The following ZNF664 variants were observed in gnomAD, a reference collection of about 807,000 sequenced individuals.
ZNF664 encodes the protein zinc finger protein 664, also known as zinc finger Organ of Corti 1.
In ZNF664, 10 loss-of-function variants were observed where a neutral mutation model predicts 18.2. The observed-to-expected ratio is 0.55, with a 90% CI of 0.34 to 0.93. ZNF664 has a LOEUF of 0.93. ZNF664 is among the 40% of genes least tolerant of loss of function. The pLI, the probability that ZNF664 is intolerant of heterozygous loss-of-function variation, is 0.02. For missense variants in ZNF664, 193 were observed against 319.0 expected (o/e 0.61, Z 3.01); for synonymous variants, 119 against 104.2 (o/e 1.14, Z -0.86).
chr12:124,010,798 G>A (rs1957127124), intron 3 of ZNF664, among the ~76,000 whole-genome samples: 2 of 152,182 alleles, frequency 1.3e-5, no homozygotes, highest in African/African-American at 4.8e-5. Context: ...TGAAAACAGA[G>A]TCTAGCCGGG....
In ZNF664 at chr12:123,993,889, A is replaced by G. The variant is rs143582487; in HGVS notation, c.-661+5751A>G. On this transcript the variant is annotated intron_variant, in intron 3 of 4. Transcript: ENST00000337815. ...AAGCTGGAGGGCACATACTTTCTCC[A>G]CATGAGTGGGGCACCCATGATGTCA... 4.2e-3 allele frequency among the ~76,000 whole-genome samples: 638 copies of G among 152,312 alleles called. 5 individuals carry two copies. Among genetic ancestry groups the G allele is most frequent in the African/African-American group, 0.015 (609 of 41,558 alleles).
intron 2 of ZNF664, among the ~76,000 whole-genome samples, chr12:123,980,514 G>A (rs1956751696): frequency 6.6e-6 from 1 of 152,142 alleles, no homozygotes. Context: ...TATGTATATT[G>A]TAGAATTATA....
rs530791307 is a variant in ZNF664 at position 124,013,731 on chromosome 12, G to A, written c.*801G>A. On this transcript the variant is annotated 3_prime_UTR_variant, in exon 5 of 5. Transcript: ENST00000337815. The stretch of plus-strand genomic sequence containing the variant: ...GGAGGAAGAAGCAAGCAAAGTGAGA[G>A]CTTTTCTTCATCCAGAATTGCCCTC... 6 of 167,250 alleles carry A rather than the reference G, an allele frequency of 3.6e-5. No individual in the cohort carries two copies. In the South Asian group the frequency reaches 1.2e-3, roughly 35 times the overall value. The allele number at this position is 167,250 out of a possible 1,614,324, so 10.4% of individuals were successfully genotyped here. A position where few individuals can be genotyped will look rare whatever the true frequency, so the allele number is the denominator to read the frequency against.
chr12:123,983,314 A>G (rs978759729), intron 2 of ZNF664, among the ~76,000 whole-genome samples: 2 of 152,252 alleles, frequency 1.3e-5, no homozygotes, highest in Non-Finnish European at 2.9e-5. Flanking sequence ...TCAAAATGTA[A>G]TTTTAAAAAT....
At chr12:123,978,657 C>T (rs184473463) in intron 2 of ZNF664, among the ~76,000 whole-genome samples, 1 of 152,186 alleles carries the variant, frequency 6.6e-6, no homozygotes, top group African/African-American at 2.4e-5. Flanking sequence ...AGATAAATTG[C>T]TTCTAAAACT....
At chr12:124,004,607 T>G (rs1426316835) in intron 3 of ZNF664, among the ~76,000 whole-genome samples, 1 of 152,182 alleles carries the variant, frequency 6.6e-6, no homozygotes, top group African/African-American at 2.4e-5. Context: ...GGGCCACAGA[T>G]GGGTACCAGT....
At chr12:124,006,943 G>A (rs1488338285) in intron 3 of ZNF664, among the ~76,000 whole-genome samples, 2 of 152,172 alleles carry the variant, frequency 1.3e-5, no homozygotes, top group Non-Finnish European at 2.9e-5. Flanking sequence ...GGAACGTGGT[G>A]TGTTCAGGAT....
At position 124,010,019 on chromosome 12, in the gene ZNF664, G is replaced by A. The variant is rs182638661; in HGVS notation, c.-660-1362G>A. Among the ~76,000 whole-genome samples the A allele has an allele frequency of 7.2e-4, 110 of 152,056 alleles. 1 individual carries two copies. The highest frequency in any genetic ancestry group is 2.3e-3 in the African/African-American group (97 of 41,466). ...GGCTAGTTCCCTATCGATGGCCTTC[G>A]GTTGCTTGCAGTTTTGCTGCCAAAT... On this transcript the variant is annotated intron_variant, in intron 3 of 4. Transcript: ENST00000337815.
chr12:123,997,554 C>A (rs1302238619), intron 3 of ZNF664, among the ~76,000 whole-genome samples: 2 of 152,136 alleles, frequency 1.3e-5, no homozygotes, highest in Non-Finnish European at 2.9e-5. Context: ...TGCAGTCATC[C>A]CCACGTGGCC....
intron 3 of ZNF664, among the ~76,000 whole-genome samples, chr12:123,992,955 G>A (rs1360136103): frequency 6.6e-6 from 1 of 152,144 alleles, no homozygotes; most frequent in Non-Finnish European, 1.5e-5. Flanking sequence ...AACTGAACTC[G>A]GCCCAGAAAG....
At position 123,988,403 on chromosome 12, in the gene ZNF664, T is replaced by C. The variant is rs187613947; in HGVS notation, c.-661+265T>C. On this transcript the variant is annotated intron_variant, in intron 3 of 4. Coordinates refer to ENST00000337815, the MANE Select transcript of ZNF664 (RefSeq NM_152437.3). ...TCCCTGGGATCTTCATTTTCTTCTT[T>C]CCATGTGAACCATTGGTTATTAAAA... 2.0e-5 allele frequency among the ~76,000 whole-genome samples: 3 copies of C among 152,332 alleles called. No homozygotes were observed. The East Asian group carries it at 5.8e-4, about 29-fold the overall frequency.
At chr12:123,998,020 G>A (rs1956970004) in intron 3 of ZNF664, among the ~76,000 whole-genome samples, 1 of 152,172 alleles carries the variant, frequency 6.6e-6, no homozygotes, top group Admixed American at 6.5e-5. Context: ...GAATGCTGGA[G>A]CCAAAGAGTG....
In ZNF664 at chr12:123,979,399, A is replaced by G. The variant is rs186041877; in HGVS notation, c.-757+5379A>G. ...GGGCATCAGGCAAAAATTAAAAACT[A>G]TCCAGCGATGTAAAAGAGGCACCTA... On this transcript the variant is annotated intron_variant, in intron 2 of 4. Transcript: ENST00000337815. Among the ~76,000 whole-genome samples, 101 of 152,346 alleles carry G rather than the reference A, an allele frequency of 6.6e-4. 1 individual carries two copies. The highest frequency in any genetic ancestry group is 6.1e-3 in the Admixed American group (93 of 15,296).
chr12:123,973,238 GGTGTGCGGA>G lies in ZNF664; in HGVS notation c.-1004_-996del, dbSNP rs1284711915. On this transcript the variant is annotated 5_prime_UTR_variant, in exon 1 of 5. Transcript: ENST00000337815. ...GCGCGCTGTCCCCCGGAGGCGTCTG[GGTGTGCGGA>G]GCGCGCGCGCGCGCGGCTCGGAGGC... 2.0e-6 allele frequency: 2 copies of G among 990,622 alleles called. No individual in the cohort carries two copies. Among genetic ancestry groups the G allele is most frequent in the African/African-American group, 3.5e-5 (2 of 56,824 alleles). The allele number at this position is 990,622 out of a possible 1,614,324, so 61.4% of individuals were successfully genotyped here.
intron 3 of ZNF664, among the ~76,000 whole-genome samples, chr12:123,998,107 G>GT (rs1246025733): frequency 6.6e-6 from 1 of 152,126 alleles, no homozygotes; most frequent in Non-Finnish European, 1.5e-5. Context: ...AGTGCAGGGT[G>GT]TATCAGCCAT....
chr12:123,976,391 T>G (rs1956691975), intron 2 of ZNF664, among the ~76,000 whole-genome samples: 1 of 152,128 alleles, frequency 6.6e-6, no homozygotes, highest in Non-Finnish European at 1.5e-5. Flanking sequence ...TGGGAAGGCC[T>G]CAAAGTGGGG....
At chr12:123,991,506 A>G (rs1007485943) in intron 3 of ZNF664, among the ~76,000 whole-genome samples, 4 of 152,236 alleles carry the variant, frequency 2.6e-5, no homozygotes, top group African/African-American at 9.6e-5. Flanking sequence ...TGGCAAATGA[A>G]TGAATGTGTC....
intron 2 of ZNF664, among the ~76,000 whole-genome samples, chr12:123,987,034 G>C (rs1037332742): frequency 6.6e-6 from 1 of 152,146 alleles, no homozygotes; most frequent in Non-Finnish European, 1.5e-5. Flanking sequence ...ACTCAGCATA[G>C]TCTACAGGAC....
At chr12:123,984,271 C>G (rs532917002) in intron 2 of ZNF664, among the ~76,000 whole-genome samples, 1 of 152,112 alleles carries the variant, frequency 6.6e-6, no homozygotes, top group South Asian at 2.1e-4. Context: ...CGTAGGGTCA[C>G]AGAAGGAGCC....
Sources: allele counts gnomAD v4.1 joint callset (sites outside exome capture counted in the v4.1 genomes callset), GRCh38; gene constraint gnomAD v4.1.1; transcripts MANE v1.5; gene names NCBI Gene and HGNC (gene_info 2026-07-23, HGNC 2026-07-21).